Variants in NKD1 observed in about 807,000 individuals in gnomAD.
NKD1 encodes NKD inhibitor of Wnt signaling pathway 1, also known as protein naked cuticle homolog 1.
A neutral mutation model predicts 56.0 loss-of-function variants in NKD1; 21 were observed. The ratio of observed to expected loss-of-function variants is 0.38; its 90% CI spans 0.27 to 0.54. The LOEUF (loss-of-function observed/expected upper bound fraction) is 0.54. NKD1 is among the 20% of genes least tolerant of loss of function. NKD1 has a pLI of 0.82. For missense variants in NKD1, 578 were observed against 642.7 expected (o/e 0.90, Z 1.09); for synonymous variants, 263 against 265.7 (o/e 0.99, Z 0.10).
intron 3 of NKD1, 137 bp downstream of exon 3, chr16:50,549,692 GC>G: frequency 2.2e-6 from 2 of 910,724 alleles, no homozygotes; most frequent in Admixed American, 3.5e-5. Context: ...GCTGCCCCCT[GC>G]CCCACCAACG....
intron 3 of NKD1, chr16:50,606,466 A>G (rs756274530): frequency 1.3e-5 from 4 of 315,524 alleles, no homozygotes; most frequent in Non-Finnish European, 2.5e-5. Flanking sequence ...TGAGAGGCCT[A>G]TGCCAGAACT....
intron 3 of NKD1, among the ~76,000 whole-genome samples, chr16:50,604,741 C>T (rs1156343150): frequency 1.3e-5 from 2 of 152,232 alleles, no homozygotes; most frequent in Admixed American, 6.5e-5. Flanking sequence ...CCAGTGGCGC[C>T]GTCGAAGTTC....
chr16:50,596,814 T>C (rs959971675), intron 3 of NKD1, among the ~76,000 whole-genome samples: 1 of 151,986 alleles, frequency 6.6e-6, no homozygotes, highest in South Asian at 2.1e-4. Context: ...CTCACCTAGG[T>C]GACAAGGTGA....
At chr16:50,612,008 C>A (rs1961858668) in intron 4 of NKD1, among the ~76,000 whole-genome samples, 1 of 152,194 alleles carries the variant, frequency 6.6e-6, no homozygotes, top group African/African-American at 2.4e-5. Context: ...AAGAGGACCT[C>A]TTTGCAAAGC....
chr16:50,623,761 G>A lies in NKD1; in HGVS notation c.367-1724G>A, dbSNP rs887154720. Among the ~76,000 whole-genome samples the A allele has an allele frequency of 1.3e-5, 2 of 151,294 alleles. No homozygotes were observed. Among genetic ancestry groups the A allele is most frequent in the Admixed American group, 6.6e-5 (1 of 15,228 alleles). ...TGTGTGTGTGTGTGTGTGTGTGTGT[G>A]TGTACACAGGTATGTGAGCGTAGGA... On this transcript the variant is annotated intron_variant, in intron 5 of 9. Transcript: ENST00000268459. The surrounding 1 kb of genome is among the most constrained non-coding windows in gnomAD (Gnocchi z 4.1).
rs555134047 is a variant in NKD1 at position 50,623,929 on chromosome 16, G to A, written c.367-1556G>A. Among the ~76,000 whole-genome samples, 7 of 152,132 alleles carry A rather than the reference G, an allele frequency of 4.6e-5. No homozygotes were observed. In the South Asian group the frequency reaches 1.5e-3, roughly 32 times the overall value. On this transcript the variant is annotated intron_variant, in intron 5 of 9. Coordinates refer to ENST00000268459, the MANE Select transcript of NKD1 (RefSeq NM_033119.5). The surrounding 1 kb of genome is among the most constrained non-coding windows in gnomAD (Gnocchi z 4.1). The stretch of plus-strand genomic sequence containing the variant: ...GAACAGTGCCTCAGAGAGCAATGAG[G>A]GCCCTTGGCAGTTATCAAACGGGTG...
Position 50,569,626 on chromosome 16 carries a change from C to T in NKD1, c.192+20071C>T, listed in dbSNP as rs369290289. ...GGATGGTAATAATAGAACCCATATC[C>T]CAGGATGAGTATGAAGATTAAGAGA... On this transcript the variant is annotated intron_variant, in intron 3 of 9. Coordinates refer to ENST00000268459, the MANE Select transcript of NKD1 (RefSeq NM_033119.5). Among the ~76,000 whole-genome samples the T allele has an allele frequency of 3.3e-5, 5 of 152,214 alleles. No homozygotes were observed. The South Asian group carries it at 1.0e-3, about 32-fold the overall frequency.
At position 50,633,803 on chromosome 16, in the gene NKD1, C is replaced by T. The variant is rs983819513; in HGVS notation, c.*22C>T. 2 of 1,337,588 alleles carry T rather than the reference C, an allele frequency of 1.5e-6. No individual in the cohort carries two copies. Among genetic ancestry groups the T allele is most frequent in the South Asian group, 3.2e-5 (2 of 63,136 alleles). The allele number at this position is 1,337,588 out of a possible 1,614,324, so 82.9% of individuals were successfully genotyped here. ...ATAGAGCCCCTCCCCAGGGCCCCAC[C>T]CTGCCATATGAAGGACCCCACCCCC... On this transcript the variant is annotated 3_prime_UTR_variant, in exon 10 of 10. Coordinates refer to ENST00000268459, the MANE Select transcript of NKD1 (RefSeq NM_033119.5). This position sits in a 1 kb window ranked among gnomAD's most constrained non-coding sequence, Gnocchi z 4.9.
At chr16:50,624,481 A>G (rs1255536431) in intron 5 of NKD1, among the ~76,000 whole-genome samples, 1 of 152,236 alleles carries the variant, frequency 6.6e-6, no homozygotes, top group Non-Finnish European at 1.5e-5. Context: ...CCATTGATTG[A>G]GCTTTTCCAT....
intron 3 of NKD1, among the ~76,000 whole-genome samples, chr16:50,589,924 G>A (rs1446491993): frequency 1.3e-5 from 2 of 151,412 alleles, no homozygotes; most frequent in Admixed American, 6.6e-5. Flanking sequence ...CCCAGCTGAC[G>A]GCAGCCTCCC....
chr16:50,612,761 G>C (rs540530581), intron 4 of NKD1, among the ~76,000 whole-genome samples: 1 of 152,196 alleles, frequency 6.6e-6, no homozygotes, highest in Non-Finnish European at 1.5e-5. Context: ...AAAGGAGGCC[G>C]ATGTGGCATC....
chr16:50,607,376 G>T, intron 3 of NKD1: 1 of 160,526 alleles, frequency 6.2e-6, no homozygotes, highest in Non-Finnish European at 1.4e-5. Context: ...AGAGGGTTGG[G>T]TTTTGTTTTT....
rs1962630578 is a variant in NKD1 at position 50,644,024 on chromosome 16, G to A, written c.*10243G>A. ...ACTGTGAGAAGGATGTTTGTGTATA[G>A]GATGAGAACTGAACCACGAAAGCAG... On this transcript the variant is annotated 3_prime_UTR_variant, in exon 10 of 10. Transcript: ENST00000268459. The A allele has an allele frequency of 6.6e-6, 1 of 152,256 alleles. No homozygotes were observed. Among genetic ancestry groups the A allele is most frequent in the Non-Finnish European group, 1.5e-5 (1 of 68,044 alleles). The allele number at this position is 152,256 out of a possible 1,614,324, so 9.4% of individuals were successfully genotyped here. A position where few individuals can be genotyped will look rare whatever the true frequency, so the allele number is the denominator to read the frequency against.
chr16:50,629,919 T>G (rs1962304937), intron 6 of NKD1, among the ~76,000 whole-genome samples: 1 of 152,188 alleles, frequency 6.6e-6, no homozygotes, highest in Non-Finnish European at 1.5e-5. Context: ...AGGGCCCCAG[T>G]GCGACTGAGC....
Position 50,638,639 on chromosome 16 carries a change from A to G in NKD1, c.*4858A>G, listed in dbSNP as rs1330917815. On this transcript the variant is annotated 3_prime_UTR_variant, in exon 10 of 10. Transcript: ENST00000268459. The stretch of plus-strand genomic sequence containing the variant: ...CTCTGATCTGATGTTCGGTCTCATC[A>G]TCTCCCAAACCAGCAGTCGTTTGTA... The G allele has an allele frequency of 6.6e-6, 1 of 152,196 alleles. No individual in the cohort carries two copies. The highest frequency in any genetic ancestry group is 1.9e-4 in the East Asian group (1 of 5,202). 9.4% of individuals were successfully genotyped at this position (152,196 alleles called of 1,614,324 possible).
At chr16:50,570,509 C>G (rs1960857559) in intron 3 of NKD1, among the ~76,000 whole-genome samples, 1 of 152,212 alleles carries the variant, frequency 6.6e-6, no homozygotes, top group Non-Finnish European at 1.5e-5. Context: ...CAGATGCTGG[C>G]CCTGCCACTT....
chr16:50,629,792 A>G (rs368529202), intron 6 of NKD1, among the ~76,000 whole-genome samples: 215 of 152,238 alleles, frequency 1.4e-3, no homozygotes, highest in Middle Eastern at 6.8e-3. Context: ...TCCAAAGTAC[A>G]GGGAATGTAG....
At chr16:50,615,446 C>T (rs893137406) in intron 4 of NKD1, among the ~76,000 whole-genome samples, 3 of 152,158 alleles carry the variant, frequency 2.0e-5, no homozygotes, top group African/African-American at 7.2e-5. Context: ...GGAAGCCTAA[C>T]CTAGCCCTGA....
At chr16:50,601,279 C>T (rs1596733335) in intron 3 of NKD1, among the ~76,000 whole-genome samples, 2 of 152,254 alleles carry the variant, frequency 1.3e-5, no homozygotes, top group Non-Finnish European at 2.9e-5. Context: ...CTTCTGGGAG[C>T]TGTGGGAGTC....
Sources: gnomAD v4.1 joint callset for allele counts (sites outside exome capture counted in the v4.1 genomes callset) on GRCh38, gnomAD v4.1.1 for gene constraint, Gnocchi (gnomAD v3.1) non-coding constraint, MANE v1.5 for transcripts, NCBI Gene and HGNC (gene_info 2026-07-23, HGNC 2026-07-21) for gene names.